LRRC4C: variants seen among roughly 807,000 people sequenced by gnomAD.
LRRC4C encodes leucine rich repeat containing 4C, also known as leucine-rich repeat-containing protein 4C.
In LRRC4C, 5 loss-of-function variants were observed where a neutral mutation model predicts 33.6. That is an observed-to-expected ratio of 0.15 (90% CI 0.08 to 0.31). LRRC4C has a LOEUF of 0.31. Among genes scored for constraint, LRRC4C ranks in the 10% least tolerant of loss-of-function variants. The pLI is 1.00. For synonymous variants in LRRC4C, 329 were observed against 302.0 expected (o/e 1.09, Z -0.93); for missense variants, 560 against 796.7 (o/e 0.70, Z 3.58).
chr11:40,477,066 T>A (rs2138359839), intron 3 of LRRC4C, among the ~76,000 whole-genome samples: 1 of 152,344 alleles, frequency 6.6e-6, no homozygotes, highest in South Asian at 2.1e-4. Flanking sequence ...GTCTGATTTA[T>A]CCAAGTTAAA....
intron 1 of LRRC4C, among the ~76,000 whole-genome samples, chr11:41,210,858 G>A (rs996842514): frequency 2.6e-5 from 4 of 152,168 alleles, no homozygotes; most frequent in African/African-American, 9.7e-5. Flanking sequence ...ACTGATGGGG[G>A]TTGGGAGTGG....
At chr11:40,903,981 C>T (rs1339495318) in intron 2 of LRRC4C, among the ~76,000 whole-genome samples, 1 of 151,796 alleles carries the variant, frequency 6.6e-6, no homozygotes, top group Non-Finnish European at 1.5e-5. Flanking sequence ...ATACCAGTGG[C>T]AGAAGTAACT....
intron 2 of LRRC4C, among the ~76,000 whole-genome samples, chr11:40,803,476 A>G (rs1184427877): frequency 6.6e-6 from 1 of 152,164 alleles, no homozygotes; most frequent in African/African-American, 2.4e-5. Flanking sequence ...TGTCCCAGAA[A>G]TTGGTTCAAT....
At chr11:41,316,393 GCATT>G (rs1950798873) in intron 1 of LRRC4C, among the ~76,000 whole-genome samples, 1 of 151,912 alleles carries the variant, frequency 6.6e-6, no homozygotes, top group Non-Finnish European at 1.5e-5. Context: ...GAGAGCAAGG[GCATT>G]CACATTTTTT....
rs1010615345 is a variant in LRRC4C at position 40,853,366 on chromosome 11, CTA to C, written c.-407+80267_-407+80268del. Among the ~76,000 whole-genome samples, 17 of 148,672 alleles carry C rather than the reference CTA, an allele frequency of 1.1e-4. 1 individual carries two copies. The highest frequency in any genetic ancestry group is 9.4e-4 in the Admixed American group (14 of 14,856). ...TTAACTATATATTTATATAATTGAA[CTA>C]TGTTTATGTAAACAGAAATATATAA... On this transcript the variant is annotated intron_variant, in intron 2 of 6. Coordinates refer to ENST00000528697, the MANE Select transcript of LRRC4C (RefSeq NM_001258419.2).
intron 2 of LRRC4C, among the ~76,000 whole-genome samples, chr11:40,677,755 T>C (rs1944475405): frequency 6.6e-6 from 1 of 152,204 alleles, no homozygotes; most frequent in African/African-American, 2.4e-5. Flanking sequence ...GTGAAATGGT[T>C]CACATGACTG....
chr11:40,874,003 T>C (rs1435358424), intron 2 of LRRC4C, among the ~76,000 whole-genome samples: 1 of 152,192 alleles, frequency 6.6e-6, no homozygotes, highest in African/African-American at 2.4e-5. Flanking sequence ...CAATGTTGTG[T>C]ACCATTTAAA....
At chr11:40,710,394 T>G (rs578204040) in intron 2 of LRRC4C, among the ~76,000 whole-genome samples, 144 of 152,306 alleles carry the variant, frequency 9.5e-4, no homozygotes, top group African/African-American at 3.5e-3. Flanking sequence ...ATCCTTTTTG[T>G]TGATGTTGAT....
intron 2 of LRRC4C, among the ~76,000 whole-genome samples, chr11:40,648,819 A>G (rs914706414): frequency 6.6e-6 from 1 of 152,156 alleles, no homozygotes; most frequent in Non-Finnish European, 1.5e-5. Flanking sequence ...TCTATTTCCC[A>G]TAAGTGTCAG....
At chr11:41,038,338 T>C (rs1857223860) in intron 1 of LRRC4C, among the ~76,000 whole-genome samples, 1 of 152,244 alleles carries the variant, frequency 6.6e-6, no homozygotes, top group South Asian at 2.1e-4. Flanking sequence ...AGGTTTTCAG[T>C]GATCTTCTCT....
chr11:40,735,084 C>A (rs1947792051), intron 2 of LRRC4C, among the ~76,000 whole-genome samples: 1 of 152,134 alleles, frequency 6.6e-6, no homozygotes, highest in East Asian at 1.9e-4. Context: ...AAATCAGTGA[C>A]CTCCCACATT....
chr11:40,715,432 A>G (rs1406199081), intron 2 of LRRC4C, among the ~76,000 whole-genome samples: 1 of 152,256 alleles, frequency 6.6e-6, no homozygotes, highest in African/African-American at 2.4e-5. Flanking sequence ...AACAATTGTC[A>G]CAGTGGTAGG....
intron 2 of LRRC4C, among the ~76,000 whole-genome samples, chr11:40,876,720 T>C (rs1248864594): frequency 2.0e-5 from 3 of 151,662 alleles, no homozygotes; most frequent in Admixed American, 1.3e-4. Flanking sequence ...CTGGCCAACT[T>C]GGTGAAACCC....
chr11:40,827,705 G>T (rs1490262480), intron 2 of LRRC4C, among the ~76,000 whole-genome samples: 3 of 151,504 alleles, frequency 2.0e-5, no homozygotes. Flanking sequence ...GATGAATAAT[G>T]AAATGAGTAT....
chr11:41,158,337 G>A (rs1260499313), intron 1 of LRRC4C, among the ~76,000 whole-genome samples: 2 of 151,930 alleles, frequency 1.3e-5, no homozygotes, highest in Non-Finnish European at 1.5e-5. Context: ...GATTTTTGAG[G>A]TATTTCTGAA....
intron 3 of LRRC4C, among the ~76,000 whole-genome samples, chr11:40,454,184 T>G (rs5024086): frequency 0.36 from 53,986 of 151,082 alleles, 9,993 homozygotes; most frequent in East Asian, 0.52. Context: ...TTTTTTTTTT[T>G]TTTTTTAACA....
intron 1 of LRRC4C, among the ~76,000 whole-genome samples, chr11:41,406,133 G>T (rs191435932): frequency 6.6e-6 from 1 of 152,066 alleles, no homozygotes; most frequent in Non-Finnish European, 1.5e-5. Flanking sequence ...GATTAAAGAA[G>T]CTACATAAGT....
intron 2 of LRRC4C, among the ~76,000 whole-genome samples, chr11:40,873,391 A>T (rs1443400593): frequency 6.6e-6 from 1 of 152,120 alleles, no homozygotes; most frequent in African/African-American, 2.4e-5. Flanking sequence ...CACCAGATGG[A>T]GCCTCTCAGG....
chr11:40,587,821 A>G (rs991437391), intron 3 of LRRC4C, among the ~76,000 whole-genome samples: 9 of 152,262 alleles, frequency 5.9e-5, no homozygotes, highest in Admixed American at 2.0e-4. Context: ...TCCCAGGGAT[A>G]AAGCCCACTT....
Sources: gnomAD v4.1 joint callset for allele counts (sites outside exome capture counted in the v4.1 genomes callset) on GRCh38, gnomAD v4.1.1 for gene constraint, MANE v1.5 for transcripts, NCBI Gene and HGNC (gene_info 2026-07-23, HGNC 2026-07-21) for gene names.